Variants in CNTN5 observed in about 807,000 individuals in gnomAD.
CNTN5 encodes contactin-5.
In CNTN5, 77 loss-of-function variants were observed where a neutral mutation model predicts 129.1. The observed-to-expected ratio is 0.60, with a 90% confidence interval of 0.50 to 0.72. CNTN5 has a LOEUF of 0.72. CNTN5 is among the 30% of genes least tolerant of loss of function. The pLI, the probability that CNTN5 is intolerant of heterozygous loss-of-function variation, is 0.00. For missense variants in CNTN5, 1,478 were observed against 1,328.8 expected (o/e 1.11, Z -1.75); for synonymous variants, 509 against 465.6 (o/e 1.09, Z -1.20).
At chr11:100,044,019 C>A (rs1026501611) in intron 9 of CNTN5, among the ~76,000 whole-genome samples, 3 of 151,762 alleles carry the variant, frequency 2.0e-5, no homozygotes, top group African/African-American at 4.8e-5. Context: ...TAAGTAATTT[C>A]TTATCCCTCA....
At chr11:100,041,035 G>A (rs1812342) in intron 9 of CNTN5, among the ~76,000 whole-genome samples, 46,422 of 150,920 alleles carry the variant, frequency 0.31, 7,188 homozygotes, top group East Asian at 0.46. Context: ...TACCTCAGTT[G>A]GAAATGCAGA....
chr11:99,860,307 T>A (rs900423351), intron 6 of CNTN5, among the ~76,000 whole-genome samples: 1 of 152,172 alleles, frequency 6.6e-6, no homozygotes, highest in South Asian at 2.1e-4. Context: ...ATTTTTAGTT[T>A]AGTTAGGTGT....
chr11:100,346,486 G>T (rs559906735), intron 23 of CNTN5, among the ~76,000 whole-genome samples: 2 of 152,156 alleles, frequency 1.3e-5, no homozygotes, highest in East Asian at 3.9e-4. Context: ...ATGTTCAGGG[G>T]CTATGCTTTC....
intron 3 of CNTN5, among the ~76,000 whole-genome samples, chr11:99,597,226 G>A (rs1950153413): frequency 6.6e-6 from 1 of 152,050 alleles, no homozygotes; most frequent in East Asian, 1.9e-4. Flanking sequence ...ATATAAAGCT[G>A]GAGTCTCACG....
intron 3 of CNTN5, among the ~76,000 whole-genome samples, chr11:99,815,868 C>A (rs902445727): frequency 7.2e-5 from 11 of 152,082 alleles, no homozygotes; most frequent in African/African-American, 2.7e-4. Flanking sequence ...TCTAGGATCC[C>A]AACTCCTTCA....
chr11:99,294,280 A>G (rs1459943905), intron 1 of CNTN5, among the ~76,000 whole-genome samples: 2 of 152,188 alleles, frequency 1.3e-5, no homozygotes, highest in African/African-American at 2.4e-5. Flanking sequence ...TAAAGACACC[A>G]CCAAATAATT....
At chr11:99,538,067 C>T (rs186305511) in intron 2 of CNTN5, among the ~76,000 whole-genome samples, 2 of 152,300 alleles carry the variant, frequency 1.3e-5, no homozygotes, top group African/African-American at 2.4e-5. Context: ...GGTAAATTCT[C>T]ACACCAGTCT....
intron 16 of CNTN5, among the ~76,000 whole-genome samples, chr11:100,242,719 C>T (rs532518909): frequency 3.9e-5 from 6 of 152,278 alleles, no homozygotes; most frequent in Admixed American, 2.0e-4. Flanking sequence ...CCAGACCCTA[C>T]GTCCAACAAT....
chr11:99,846,433 T>C (rs1311065894), intron 6 of CNTN5, among the ~76,000 whole-genome samples: 1 of 151,602 alleles, frequency 6.6e-6, no homozygotes, highest in Non-Finnish European at 1.5e-5. Flanking sequence ...CTTGAAATTA[T>C]TTTACTTATA....
At chr11:99,410,123 G>C (rs980197129) in intron 2 of CNTN5, among the ~76,000 whole-genome samples, 4 of 152,154 alleles carry the variant, frequency 2.6e-5, no homozygotes, top group Non-Finnish European at 5.9e-5. Context: ...AAAAAAGAAT[G>C]ATTAATGACT....
intron 1 of CNTN5, among the ~76,000 whole-genome samples, chr11:99,179,202 G>A (rs1160590946): frequency 6.6e-6 from 1 of 152,158 alleles, no homozygotes; most frequent in Non-Finnish European, 1.5e-5. Context: ...AACACTTCGG[G>A]GGGCCAAGGG....
chr11:99,915,861 G>C (rs148755696), intron 6 of CNTN5, among the ~76,000 whole-genome samples, 193 bp from the exon 7 acceptor site: 1 of 152,136 alleles, frequency 6.6e-6, no homozygotes, highest in Non-Finnish European at 1.5e-5. Context: ...TTTTCTATGG[G>C]TGGTATAGAT....
intron 3 of CNTN5, among the ~76,000 whole-genome samples, chr11:99,710,558 T>C (rs938841191): frequency 1.7e-4 from 20 of 121,062 alleles, no homozygotes; most frequent in Admixed American, 9.3e-4. Context: ...TGTGTGTGTG[T>C]GTGTGTGCAT....
At chr11:99,170,371 G>C (rs536789149) in intron 1 of CNTN5, among the ~76,000 whole-genome samples, 10 of 152,262 alleles carry the variant, frequency 6.6e-5, no homozygotes, top group African/African-American at 2.4e-4. Flanking sequence ...ACCAGCAGCA[G>C]GCTCTTATGA....
At chr11:99,895,830 C>T (rs1371779183) in intron 6 of CNTN5, among the ~76,000 whole-genome samples, 4 of 152,126 alleles carry the variant, frequency 2.6e-5, no homozygotes, top group Non-Finnish European at 4.4e-5. Context: ...TCTAGCAGCC[C>T]GGTTCCAGCA....
chr11:99,063,860 G>A (rs986536334), intron 1 of CNTN5, among the ~76,000 whole-genome samples: 7 of 152,072 alleles, frequency 4.6e-5, no homozygotes, highest in Admixed American at 2.0e-4. Flanking sequence ...AACTGAGAAA[G>A]TAACCTCTAC....
intron 13 of CNTN5, among the ~76,000 whole-genome samples, chr11:100,161,374 A>G (rs1206874875): frequency 2.0e-5 from 3 of 151,932 alleles, no homozygotes; most frequent in Admixed American, 2.0e-4. Context: ...GGTAAATATT[A>G]TAGTTAATAC....
intron 1 of CNTN5, among the ~76,000 whole-genome samples, chr11:99,304,195 G>A (rs1864772424): frequency 6.6e-6 from 1 of 152,092 alleles, no homozygotes; most frequent in Non-Finnish European, 1.5e-5. Flanking sequence ...TCTTCACACA[G>A]GACCTCTCTC....
At chr11:99,033,473 A>T (rs893054613) in intron 1 of CNTN5, among the ~76,000 whole-genome samples, 2 of 152,136 alleles carry the variant, frequency 1.3e-5, no homozygotes, top group African/African-American at 4.8e-5. Context: ...CTCCTTGAAG[A>T]GGTCCTTCAC....
Sources: gnomAD v4.1 joint callset for allele counts (sites outside exome capture counted in the v4.1 genomes callset) on GRCh38, gnomAD v4.1.1 for gene constraint, MANE v1.5 for transcripts, NCBI Gene and HGNC (gene_info 2026-07-23, HGNC 2026-07-21) for gene names.